The following CYP24A1 variants were observed in gnomAD, a reference collection of about 807,000 sequenced individuals.
CYP24A1 encodes the protein 1,25-dihydroxyvitamin D(3) 24-hydroxylase, mitochondrial.
Under a neutral mutation model 62.4 loss-of-function variants are expected in CYP24A1, and 68 were observed. The ratio of observed to expected loss-of-function variants is 1.09; its 90% CI spans 0.90 to 1.33. CYP24A1 has a LOEUF of 1.33. Among genes scored for constraint, CYP24A1 ranks in the 40% most tolerant of loss-of-function variants. CYP24A1 has a pLI of 0.00. For missense variants in CYP24A1, 787 were observed against 653.0 expected, an observed-to-expected ratio of 1.21 and a Z score of -2.24; for synonymous variants, 267 against 253.0, an observed-to-expected ratio of 1.06 and a Z score of -0.52.
At chr20:54,171,845 T>C in intron 2 of CYP24A1, 175 bp from the exon 3 acceptor site, 1 of 1,433,038 alleles carries the variant, frequency 7.0e-7, no homozygotes, top group African/African-American at 1.4e-5. Context: ...GTGATCATCT[T>C]TTGACAATAG....
chr20:54,153,199 T>A (rs2092615586), downstream of CYP24A1, among the ~76,000 whole-genome samples: 1 of 152,072 alleles, frequency 6.6e-6, no homozygotes, highest in Non-Finnish European at 1.5e-5. Context: ...GATTGTGTGA[T>A]TGGAAAGGGG....
rs559914563 is a variant in CYP24A1 at position 54,164,428 on chromosome 20, T to C, written c.844+24A>G. 7.4e-6 allele frequency: 12 copies of C among 1,613,974 alleles called. 1 individual carries two copies. In the South Asian group the frequency reaches 9.9e-5, roughly 13 times the overall value. The stretch of plus-strand genomic sequence containing the variant: ...ACGGGGGTGCTGGGCTGGTTCTGGC[T>C]GGTTGTGAAGGGCGGCCCTTTACCT... On this transcript the variant is annotated intron_variant, in intron 6 of 11. Coordinates refer to ENST00000216862, the MANE Select transcript of CYP24A1 (RefSeq NM_000782.5).
At chr20:54,143,804 A>C in the CYP24A1 span, among the ~76,000 whole-genome samples, 28,918 of 151,912 alleles carry the variant, frequency 0.19, 3,179 homozygotes, top group East Asian at 0.3. Context: ...AAAAACTAAA[A>C]ACAGGCTTTT....
chr20:54,172,073 T>C, intron 2 of CYP24A1: 1 of 302,592 alleles, frequency 3.3e-6, no homozygotes. Context: ...TTCTTTCAAC[T>C]CATTGGTGTG....
chr20:54,164,445 C>A lies in CYP24A1; in HGVS notation c.844+7G>T. 6.2e-7 allele frequency: 1 copy of A among 1,614,024 alleles called. No homozygotes were observed. The highest frequency in any genetic ancestry group is 1.1e-5 in the South Asian group (1 of 91,070). ...GTTCTGGCTGGTTGTGAAGGGCGGC[C>A]CTTTACCTGATTTGAAAATGGTGTC... On this transcript the variant is annotated splice_region_variant and intron_variant, in intron 6 of 11. Coordinates refer to ENST00000216862, the MANE Select transcript of CYP24A1 (RefSeq NM_000782.5).
chr20:54,147,825 C>T, the CYP24A1 span, among the ~76,000 whole-genome samples: 3 of 152,158 alleles, frequency 2.0e-5, no homozygotes, highest in South Asian at 6.2e-4. Context: ...CTATCTGCTT[C>T]CAGCACTCAG....
chr20:54,154,034 T>C lies in CYP24A1; in HGVS notation c.*738A>G, dbSNP rs1285108040. ...AAAAAATGACTGAGGCAAATTACCA[T>C]TAGAACCCACACACACATACACGGA... On this transcript the variant is annotated 3_prime_UTR_variant, in exon 12 of 12. Coordinates refer to ENST00000216862, the MANE Select transcript of CYP24A1 (RefSeq NM_000782.5). The C allele has an allele frequency of 6.6e-6, 1 of 152,002 alleles. No individual in the cohort carries two copies. The highest frequency in any genetic ancestry group is 1.9e-4 in the East Asian group (1 of 5,196). 9.4% of individuals were successfully genotyped at this position (152,002 alleles called of 1,614,324 possible).
At chr20:54,171,009 C>T (rs2092691902) in intron 3 of CYP24A1, among the ~76,000 whole-genome samples, 2 of 152,190 alleles carry the variant, frequency 1.3e-5, no homozygotes, top group Admixed American at 1.3e-4. Context: ...AGCCTCACAT[C>T]AGCTACACTA....
At chr20:54,169,042 C>T (rs537045659) in intron 4 of CYP24A1, among the ~76,000 whole-genome samples, 37 of 152,008 alleles carry the variant, frequency 2.4e-4, no homozygotes, top group Non-Finnish European at 4.7e-4. Context: ...GGACTACAGG[C>T]ATGTGCCACC....
chr20:54,156,598 C>T (rs190177202), intron 11 of CYP24A1, among the ~76,000 whole-genome samples: 10 of 152,282 alleles, frequency 6.6e-5, no homozygotes, highest in East Asian at 3.9e-4. Context: ...CCCGACAACA[C>T]GATAATTTTA....
chr20:54,158,192 G>A, intron 8 of CYP24A1, 28 bp from the exon 9 acceptor site: 6 of 1,612,798 alleles, frequency 3.7e-6, no homozygotes, highest in Non-Finnish European at 4.2e-6. Context: ...AAGATGTAAA[G>A]GTGAGCACAG....
At chr20:54,170,842 C>G (rs2092691492) in intron 3 of CYP24A1, among the ~76,000 whole-genome samples, 1 of 152,148 alleles carries the variant, frequency 6.6e-6, no homozygotes, top group Non-Finnish European at 1.5e-5. Context: ...GGGGACGCAT[C>G]CAGTTCAAAA....
chr20:54,151,409 A>G (rs1303255584), downstream of CYP24A1, among the ~76,000 whole-genome samples: 17 of 152,116 alleles, frequency 1.1e-4, no homozygotes, highest in Admixed American at 1.1e-3. Flanking sequence ...CCATCAACCC[A>G]ATGGTCTAAT....
Position 54,164,484 on chromosome 20 carries a change from T to C in CYP24A1, c.812A>G (p.His271Arg), listed in dbSNP as rs2092663787. Residue 271 changes from histidine to arginine, a missense_variant, in exon 6 of 12, where the codon CAC (histidine) becomes CGC (arginine). His to Arg is a conservative substitution (Grantham distance 29, BLOSUM62 0). Coordinates refer to ENST00000216862, the MANE Select transcript of CYP24A1 (RefSeq NM_000782.5). ...GAAAATGGTGTCCCAGGCCAGAGTG[T>C]GGTCCTGCCAGACCTTGGTGTTGAG... ...KSLNTKVWQD[H>R]TLAWDTIFKS... The C allele has an allele frequency of 6.2e-7, 1 of 1,614,180 alleles. No individual in the cohort carries two copies. Among genetic ancestry groups the C allele is most frequent in the East Asian group, 2.2e-5 (1 of 44,890 alleles).
intron 11 of CYP24A1, among the ~76,000 whole-genome samples, chr20:54,156,584 G>A (rs2092628697): frequency 6.6e-6 from 1 of 152,182 alleles, no homozygotes; most frequent in Non-Finnish European, 1.5e-5. Context: ...CCTCCAGAAA[G>A]AGCCCCGACA....
intron 4 of CYP24A1, among the ~76,000 whole-genome samples, chr20:54,166,128 G>T (rs1486212655): frequency 6.6e-6 from 1 of 152,174 alleles, no homozygotes; most frequent in Non-Finnish European, 1.5e-5. Flanking sequence ...CCTAGCAAAG[G>T]TGCTGCAGGG....
chr20:54,158,006 G>A, intron 9 of CYP24A1, 80 bp downstream of exon 9: 1 of 1,590,958 alleles, frequency 6.3e-7, no homozygotes, highest in Non-Finnish European at 8.5e-7. Context: ...CCAGTACAAA[G>A]TCTAGGGAGA....
chr20:54,172,833 G>T, intron 2 of CYP24A1, 76 bp downstream of exon 2: 2 of 1,606,580 alleles, frequency 1.2e-6, no homozygotes, highest in Non-Finnish European at 8.5e-7. Flanking sequence ...CTCTAACTCC[G>T]CCTCTTCACA....
Position 54,173,480 on chromosome 20 carries a change from T to A in CYP24A1, c.100A>T (p.Thr34Ser). Residue 34 changes from threonine (T) to serine (S), a missense_variant, in exon 1 of 12, where the codon ACG becomes TCG. Coordinates refer to ENST00000216862, the MANE Select transcript of CYP24A1 (RefSeq NM_000782.5). The surrounding 1 kb of genome is among the most constrained non-coding windows in gnomAD (Gnocchi z 7.2). ...GGCACCTCTCGCGGCTGAGGGGACGTGTACGCCGTAGATGTCACCAGTCTC... is the reference window on the plus strand; with the variant it reads ...GGCACCTCTCGCGGCTGAGGGGACGAGTACGCCGTAGATGTCACCAGTCTC... The part of the protein sequence containing the change: ...PPRLVTSTAY[T>S]SPQPREVPVC... 6.4e-7 allele frequency: 1 copy of A among 1,566,346 alleles called. No individual in the cohort carries two copies. The highest frequency in any genetic ancestry group is 8.7e-7 in the Non-Finnish European group (1 of 1,155,772).
Sources: allele counts gnomAD v4.1 joint callset (sites outside exome capture counted in the v4.1 genomes callset), GRCh38; gene constraint gnomAD v4.1.1; non-coding constraint Gnocchi (gnomAD v3.1); transcripts MANE v1.5; gene names NCBI Gene and HGNC (gene_info 2026-07-23, HGNC 2026-07-21).